The following RNF212 variants were observed in gnomAD, a reference collection of about 807,000 sequenced individuals.
RNF212 encodes the protein probable E3 SUMO-protein ligase RNF212.
A neutral mutation model predicts 34.7 loss-of-function variants in RNF212; 33 were observed. The observed-to-expected ratio is 0.95, with a 90% CI of 0.72 to 1.27. The LOEUF (loss-of-function observed/expected upper bound fraction) is 1.27, where lower values mean the gene tolerates loss of function less well. Ranked by LOEUF, RNF212 falls within the 50% of genes most tolerant of loss-of-function variation. The probability of loss-of-function intolerance (pLI) is 0.00; values close to 1 mark genes in which losing one functional copy is unlikely to be tolerated. For synonymous variants in RNF212, 140 were observed against 136.1 expected (o/e 1.03, Z -0.20); for missense variants, 377 against 362.2 (o/e 1.04, Z -0.33).
intron 7 of RNF212, 38 bp downstream of exon 7, chr4:1,081,381 C>T (rs775469158): frequency 3.1e-6 from 5 of 1,590,628 alleles, no homozygotes; most frequent in Non-Finnish European, 4.3e-6. Context: ...ATCGGAAAGA[C>T]CTGCAGGTCC....
At chr4:1,084,468 A>G (rs1194877632) in intron 5 of RNF212, among the ~76,000 whole-genome samples, 2 of 152,130 alleles carry the variant, frequency 1.3e-5, no homozygotes, top group African/African-American at 4.8e-5. Flanking sequence ...AGTGGCTCAC[A>G]TCGGTCATTG....
downstream of RNF212, among the ~76,000 whole-genome samples, chr4:1,069,993 T>C (rs1042982259): frequency 6.3e-4 from 81 of 127,690 alleles, no homozygotes; most frequent in Admixed American, 1.8e-3. Context: ...TTTTGTAGGA[T>C]TGCGCTGTGT....
chr4:1,108,075 C>T (rs1039263150), intron 2 of RNF212, among the ~76,000 whole-genome samples: 3 of 152,204 alleles, frequency 2.0e-5, no homozygotes, highest in African/African-American at 7.2e-5. Context: ...CTGTATTGTG[C>T]TGCAGAAATC....
At chr4:1,101,682 T>G (rs552719111) in intron 2 of RNF212, 4 of 203,472 alleles carry the variant, frequency 2.0e-5, no homozygotes, top group African/African-American at 9.4e-5. Context: ...CTCTACTGAG[T>G]GTCATCCCTC....
chr4:1,057,804 C>T (rs1393798506), intron 4 of RNF212, among the ~76,000 whole-genome samples: 2 of 152,232 alleles, frequency 1.3e-5, no homozygotes, highest in Non-Finnish European at 2.9e-5. Context: ...GTGGCTCACG[C>T]CTGTAATCCC....
In RNF212 at chr4:1,072,757, CT is replaced by C; in HGVS notation, c.*116del. 1.4e-6 allele frequency: 2 copies of C among 1,449,782 alleles called. No individual in the cohort carries two copies. Among genetic ancestry groups the C allele is most frequent in the Non-Finnish European group, 1.8e-6 (2 of 1,103,848 alleles). 89.8% of individuals were successfully genotyped at this position (1,449,782 alleles called of 1,614,324 possible). On this transcript the variant is annotated 3_prime_UTR_variant, in exon 10 of 10. Transcript: ENST00000433731. ...GCAAATTGGGTAAAAGGTTAATATCCTGCACACTGAGGGCTTCCACATAAAT... is the reference window on the plus strand; with the variant it reads ...GCAAATTGGGTAAAAGGTTAATATCCGCACACTGAGGGCTTCCACATAAAT...
At position 1,113,361 on chromosome 4, in the gene RNF212, C is replaced by T. The variant is rs188658198; in HGVS notation, c.104G>A (p.Gly35Asp). Reference protein sequence around the residue: ...CGHVYCDACLGKGKKNECLIC... With the variant: ...CGHVYCDACLDKGKKNECLIC... Reference sequence around the variant, plus strand: ...TGCGTTCGGGAAGCCCTGACCTTTGCCGAGGCAGGCGTCGCAGTACACGTG... The same window carrying T: ...TGCGTTCGGGAAGCCCTGACCTTTGTCGAGGCAGGCGTCGCAGTACACGTG... Residue 35 changes from glycine to aspartate, a missense_variant, in exon 1 of 10, where the codon GGC becomes GAC. By Grantham distance (94) the Gly-to-Asp change is moderately conservative. Coordinates refer to ENST00000433731, the MANE Select transcript of RNF212 (RefSeq NM_001131034.4). The T allele has an allele frequency of 6.8e-7, 1 of 1,464,772 alleles. No homozygotes were observed. The highest frequency in any genetic ancestry group is 1.9e-5 in the Admixed American group (1 of 52,208). The allele number at this position is 1,464,772 out of a possible 1,614,324, so 90.7% of individuals were successfully genotyped here.
At position 1,081,404 on chromosome 4, in the gene RNF212, A is replaced by G. The variant is rs2153043213; in HGVS notation, c.464+15T>C. On this transcript the variant is annotated intron_variant, in intron 7 of 9. Transcript: ENST00000433731. The stretch of plus-strand genomic sequence containing the variant: ...GACCTGCAGGTCCTGTGATTTCTGC[A>G]AGCAACCCACACACCTGTCGGGGGC... The G allele has an allele frequency of 1.9e-6, 3 of 1,612,616 alleles. No individual in the cohort carries two copies. The highest frequency in any genetic ancestry group is 1.7e-6 in the Non-Finnish European group (2 of 1,178,818).
intron 2 of RNF212, among the ~76,000 whole-genome samples, chr4:1,103,473 G>C (rs954566728): frequency 6.6e-6 from 1 of 152,176 alleles, no homozygotes; most frequent in Non-Finnish European, 1.5e-5. Flanking sequence ...GCTCTCATAT[G>C]AACATAGGTG....
At chr4:1,108,615 A>G (rs1386124190) in intron 1 of RNF212, among the ~76,000 whole-genome samples, 1 of 152,236 alleles carries the variant, frequency 6.6e-6, no homozygotes, top group Non-Finnish European at 1.5e-5. Flanking sequence ...AAATATGTAC[A>G]AAAACAGTGA....
Position 1,093,533 on chromosome 4 carries a change from G to A in RNF212, c.247-2695C>T, listed in dbSNP as rs907863236. 6 of 1,510,112 alleles carry A rather than the reference G, an allele frequency of 4.0e-6. No individual in the cohort carries two copies. In the South Asian group the frequency reaches 4.9e-5, roughly 12 times the overall value. 93.5% of individuals were successfully genotyped at this position (1,510,112 alleles called of 1,614,324 possible). Reference sequence around the variant, plus strand: ...TGGGGCCACGAGGTCACTGGGCAGAGCCTGTGACCTCCACGGCCCATGCCG... The same window carrying A: ...TGGGGCCACGAGGTCACTGGGCAGAACCTGTGACCTCCACGGCCCATGCCG... On this transcript the variant is annotated intron_variant, in intron 3 of 9. Coordinates refer to ENST00000433731, the MANE Select transcript of RNF212 (RefSeq NM_001131034.4).
intron 2 of RNF212, among the ~76,000 whole-genome samples, chr4:1,104,874 C>A (rs1312407972): frequency 6.6e-6 from 1 of 152,300 alleles, no homozygotes; most frequent in South Asian, 2.1e-4. Flanking sequence ...AAACACTCCC[C>A]ACCACACCAA....
intron 5 of RNF212, among the ~76,000 whole-genome samples, chr4:1,084,778 C>T (rs901168671): frequency 2.7e-5 from 4 of 146,586 alleles, no homozygotes; most frequent in African/African-American, 5.1e-5. Flanking sequence ...GAAGAGAATA[C>T]ACTGCAGGCT....
At chr4:1,092,677 AT>A (rs1431020212) in intron 3 of RNF212, among the ~76,000 whole-genome samples, 3 of 152,208 alleles carry the variant, frequency 2.0e-5, no homozygotes, top group Non-Finnish European at 2.9e-5. Context: ...CAATGAAATC[AT>A]TGCAAAACTC....
chr4:1,112,251 G>C (rs1725798751), intron 1 of RNF212, among the ~76,000 whole-genome samples: 1 of 152,114 alleles, frequency 6.6e-6, no homozygotes, highest in Admixed American at 6.5e-5. Flanking sequence ...AGAAAGATGG[G>C]GAGCCACAGA....
At chr4:1,097,578 C>G (rs1304660504) in intron 2 of RNF212, among the ~76,000 whole-genome samples, 1 of 152,090 alleles carries the variant, frequency 6.6e-6, no homozygotes, top group Non-Finnish European at 1.5e-5. Context: ...GCACTCCAGC[C>G]TGGGCAAAAG....
chr4:1,057,037 G>A (rs1035149108), intron 4 of RNF212: 2 of 968,856 alleles, frequency 2.1e-6, no homozygotes, highest in Non-Finnish European at 1.2e-6. Flanking sequence ...CATCATGAAT[G>A]CTCGGAGCAT....
At chr4:1,060,932 G>T (rs138937836) in intron 3 of RNF212, among the ~76,000 whole-genome samples, 27 of 152,356 alleles carry the variant, frequency 1.8e-4, no homozygotes, top group African/African-American at 6.3e-4. Context: ...GAGGAGGACT[G>T]CTGGCTACAG....
chr4:1,078,115 G>A (rs1488460241), intron 8 of RNF212, among the ~76,000 whole-genome samples: 2 of 152,192 alleles, frequency 1.3e-5, no homozygotes, highest in Non-Finnish European at 2.9e-5. Context: ...ACACGACTGA[G>A]TTCATATCTA....
Sources: allele counts gnomAD v4.1 joint callset (sites outside exome capture counted in the v4.1 genomes callset), GRCh38; gene constraint gnomAD v4.1.1; transcripts MANE v1.5; gene names NCBI Gene and HGNC (gene_info 2026-07-23, HGNC 2026-07-21).